PRKACA: variants seen among roughly 807,000 people sequenced by gnomAD.
PRKACA encodes protein kinase cAMP-activated catalytic subunit alpha.
Under a neutral mutation model 45.8 loss-of-function variants are expected in PRKACA, and 9 were observed. That is an observed-to-expected ratio of 0.20 (90% confidence interval 0.12 to 0.34). The LOEUF is 0.34. Ranked by LOEUF, PRKACA falls within the 10% of genes least tolerant of loss-of-function variation. The pLI is 1.00. For missense variants in PRKACA, 238 were observed against 458.6 expected (o/e 0.52, Z 4.39); for synonymous variants, 160 against 178.6 (o/e 0.90, Z 0.83).
At chr19:14,101,071 A>G (rs1977428607) in intron 4 of PRKACA, 163 bp from the exon 5 acceptor site, 3 of 629,350 alleles carry the variant, frequency 4.8e-6, no homozygotes, top group African/African-American at 1.8e-5. Context: ...TCCTGCTGTT[A>G]ATGGGTGAAA....
chr19:14,111,644 T>C (rs542011647), intron 1 of PRKACA, among the ~76,000 whole-genome samples: 2 of 152,318 alleles, frequency 1.3e-5, no homozygotes, highest in East Asian at 3.9e-4. Context: ...CTTGCTATGT[T>C]GCCCAGGCTG....
At chr19:14,095,136 CTTTTTTTTCCCACTCTGGGACATT>C (rs1246599380) in intron 8 of PRKACA, among the ~76,000 whole-genome samples, 101 of 150,956 alleles carry the variant, frequency 6.7e-4, no homozygotes, top group African/African-American at 1.9e-3. Context: ...TTTTTTCTTT[CTTTTTTTTCCCACTCTGGGACATT>C]TTTTTTTCTT....
intron 2 of PRKACA, 127 bp from the exon 3 acceptor site, chr19:14,107,015 G>A (rs1568535620): frequency 8.0e-7 from 1 of 1,248,324 alleles, no homozygotes; most frequent in Non-Finnish European, 1.1e-6. Flanking sequence ...AGCGGGGTGA[G>A]GACAGGGGGC....
Position 14,097,366 on chromosome 19 carries a change from C to T in PRKACA, c.760G>A (p.Gly254Arg). 6.2e-7 allele frequency: 1 copy of T among 1,614,122 alleles called. No homozygotes were observed. The highest frequency in any genetic ancestry group is 8.5e-7 in the Non-Finnish European group (1 of 1,180,020). ...TCCCCACATCCGGACCTCACCTTCC[C>T]AGAGACGATCTTCTCATAGATCTGG... is the stretch of plus-strand genomic sequence containing the variant. ...PIQIYEKIVS[G>R]KVRFPSHFSS... The change falls in exon 8 of 10, where the codon GGG becomes AGG. Residue 254 changes from glycine (G) to arginine (R), a missense_variant. By Grantham distance (125) the Gly-to-Arg change is moderately radical. Coordinates refer to ENST00000308677, the MANE Select transcript of PRKACA (RefSeq NM_002730.4). The surrounding 1 kb of genome is among the most constrained non-coding windows in gnomAD (Gnocchi z 5.4).
At chr19:14,104,349 A>C (rs1014786376) in intron 3 of PRKACA, among the ~76,000 whole-genome samples, 8 of 150,082 alleles carry the variant, frequency 5.3e-5, no homozygotes, top group East Asian at 2.0e-4. Context: ...AAAAAAAAAA[A>C]AAAAAACAAC....
At chr19:14,104,270 G>GAGCTGGC in intron 3 of PRKACA, among the ~76,000 whole-genome samples, 1 of 148,676 alleles carries the variant, frequency 6.7e-6, no homozygotes, top group East Asian at 2.0e-4. Context: ...CCGGGAGGTG[G>GAGCTGGC]AGCTGGCAGT....
chr19:14,095,285 C>T (rs1307830227), intron 8 of PRKACA, among the ~76,000 whole-genome samples: 2 of 151,530 alleles, frequency 1.3e-5, no homozygotes, highest in Admixed American at 6.6e-5. Context: ...ATTCTCCTGC[C>T]TCAGACTCCT....
chr19:14,104,620 C>T (rs1311807231), intron 3 of PRKACA, among the ~76,000 whole-genome samples: 4 of 149,120 alleles, frequency 2.7e-5, no homozygotes, highest in African/African-American at 9.9e-5. Flanking sequence ...GGCGTGAACC[C>T]GGGAGGCAGA....
Position 14,095,579 on chromosome 19 carries a change from C to T in PRKACA, c.765+1782G>A, listed in dbSNP as rs370741085. On this transcript the variant is annotated intron_variant, in intron 8 of 9. Coordinates refer to ENST00000308677, the MANE Select transcript of PRKACA (RefSeq NM_002730.4). Reference sequence around the variant, plus strand: ...TGTCACCCAGGCTGAAGTGCAGTGGCGCAATCTCGGCTCACTACAACCTCT... The same window carrying T: ...TGTCACCCAGGCTGAAGTGCAGTGGTGCAATCTCGGCTCACTACAACCTCT... Among the ~76,000 whole-genome samples, 15 of 152,124 alleles carry T rather than the reference C, an allele frequency of 9.9e-5. No individual in the cohort carries two copies. The Middle Eastern group carries it at 0.014, about 138-fold the overall frequency.
chr19:14,096,032 GTTTTTT>G (rs60082323), intron 8 of PRKACA, among the ~76,000 whole-genome samples: 69 of 92,580 alleles, frequency 7.5e-4, no homozygotes, highest in African/African-American at 3.0e-3. Flanking sequence ...CTAATTTTTA[GTTTTTT>G]TTTTTTTTTT....
chr19:14,107,712 G>C, intron 1 of PRKACA: 1 of 1,166,232 alleles, frequency 8.6e-7, no homozygotes, highest in African/African-American at 1.6e-5. Context: ...AGTTCTGACC[G>C]ACATTCCATG....
chr19:14,105,764 A>G (rs1977584580), intron 3 of PRKACA, among the ~76,000 whole-genome samples: 1 of 152,168 alleles, frequency 6.6e-6, no homozygotes, highest in African/African-American at 2.4e-5. Context: ...ATGATGGAGC[A>G]AACAGAAAAT....
Position 14,114,311 on chromosome 19 carries a change from C to T in PRKACA, c.46+3191G>A, listed in dbSNP as rs1242216615. On this transcript the variant is annotated intron_variant, in intron 1 of 9. Transcript: ENST00000308677. ...CAGGAAGAGAAACCCAACCCAGAGG[C>T]CACTGGGTGTGGAGGAGGGACAGAT... 6 of 955,534 alleles carry T rather than the reference C, an allele frequency of 6.3e-6. No homozygotes were observed. The East Asian group carries it at 1.1e-4, about 17-fold the overall frequency. The allele number at this position is 955,534 out of a possible 1,614,324, so 59.2% of individuals were successfully genotyped here.
chr19:14,108,121 C>T (rs1977667086), intron 1 of PRKACA: 1 of 985,418 alleles, frequency 1.0e-6, no homozygotes, highest in African/African-American at 1.7e-5. Context: ...GGCTTGAAAA[C>T]AGTCATTCTC....
chr19:14,093,093 T>C lies in PRKACA; in HGVS notation c.*19A>G. On this transcript the variant is annotated 3_prime_UTR_variant, in exon 10 of 10. Coordinates refer to ENST00000308677, the MANE Select transcript of PRKACA (RefSeq NM_002730.4). ...AAGAAAAAAGAAAAAAGAAAACCCA[T>C]GGGGGCACAGGCATGCCCCTAAAAC... 1 of 1,230,742 alleles carries C rather than the reference T, an allele frequency of 8.1e-7. No individual in the cohort carries two copies. Among genetic ancestry groups the C allele is most frequent in the Non-Finnish European group, 1.0e-6 (1 of 961,678 alleles). 76.2% of individuals were successfully genotyped at this position (1,230,742 alleles called of 1,614,324 possible). A position where few individuals can be genotyped will look rare whatever the true frequency, so the allele number is the denominator to read the frequency against.
chr19:14,098,740 C>T (rs945519723), intron 5 of PRKACA, among the ~76,000 whole-genome samples: 10 of 149,744 alleles, frequency 6.7e-5, no homozygotes, highest in East Asian at 4.0e-4. Flanking sequence ...GTGATTCGCC[C>T]GCCTCGGCCT....
rs1471162281 is a variant in PRKACA at position 14,093,057 on chromosome 19, C to A, written c.*55G>T. ...GTTCAATCCAACCCTCCCACCCCCCCGACCAAAAAAAAGAAAAAAGAAAAA... is the reference window on the plus strand; with the variant it reads ...GTTCAATCCAACCCTCCCACCCCCCAGACCAAAAAAAAGAAAAAAGAAAAA... On this transcript the variant is annotated 3_prime_UTR_variant, in exon 10 of 10. Transcript: ENST00000308677. The A allele has an allele frequency of 4.5e-6, 6 of 1,343,094 alleles. No homozygotes were observed. Among genetic ancestry groups the A allele is most frequent in the African/African-American group, 1.5e-5 (1 of 65,510 alleles). The allele number at this position is 1,343,094 out of a possible 1,614,324, so 83.2% of individuals were successfully genotyped here.
rs1302543817 is a variant in PRKACA, at chr19:14,097,343, C to T, written c.765+18G>A. On this transcript the variant is annotated intron_variant, in intron 8 of 9. Coordinates refer to ENST00000308677, the MANE Select transcript of PRKACA (RefSeq NM_002730.4). The surrounding 1 kb of genome is among the most constrained non-coding windows in gnomAD (Gnocchi z 5.4). ...GGTCTGTTTCTTCCAGGGCTGTGTC[C>T]CCACATCCGGACCTCACCTTCCCAG... The T allele has an allele frequency of 6.2e-7, 1 of 1,613,988 alleles. No individual in the cohort carries two copies. Among genetic ancestry groups the T allele is most frequent in the Non-Finnish European group, 8.5e-7 (1 of 1,179,960 alleles).
At chr19:14,112,588 A>T (rs542052372) in intron 1 of PRKACA, 1 of 152,368 alleles carries the variant, frequency 6.6e-6, no homozygotes, top group Admixed American at 6.5e-5. Flanking sequence ...AGGGAGGAGG[A>T]GCTGGTTGCC....
Sources: allele counts gnomAD v4.1 joint callset (sites outside exome capture counted in the v4.1 genomes callset), GRCh38; gene constraint gnomAD v4.1.1; non-coding constraint Gnocchi (gnomAD v3.1); transcripts MANE v1.5; gene names NCBI Gene and HGNC (gene_info 2026-07-23, HGNC 2026-07-21).